The following ROBO1 variants were observed in gnomAD, a reference collection of about 807,000 sequenced individuals.
ROBO1 encodes roundabout homolog 1.
A neutral mutation model predicts 195.9 loss-of-function variants in ROBO1; 149 were observed. The ratio of observed to expected loss-of-function variants is 0.76; its 90% CI spans 0.67 to 0.87. The LOEUF (loss-of-function observed/expected upper bound fraction) is 0.87. ROBO1 is among the 40% of genes least tolerant of loss of function. ROBO1 has a pLI of 0.00. For synonymous variants in ROBO1, 816 were observed against 733.2 expected, an observed-to-expected ratio of 1.11 and a Z score of -1.82; for missense variants, 1,933 against 2,068.3, an observed-to-expected ratio of 0.93 and a Z score of 1.27.
chr3:78,698,400 T>C (rs1003695228), intron 8 of ROBO1, among the ~76,000 whole-genome samples: 1 of 152,228 alleles, frequency 6.6e-6, no homozygotes, highest in Non-Finnish European at 1.5e-5. Flanking sequence ...CCTGTCATTA[T>C]GTCTTTCAAC....
At chr3:78,636,255 T>C (rs959065108) in intron 22 of ROBO1, 147 bp from the exon 23 acceptor site, 8 of 552,838 alleles carry the variant, frequency 1.4e-5, no homozygotes, top group African/African-American at 1.3e-4. Context: ...CGGCCAAATA[T>C]CCACATGTGC....
intron 3 of ROBO1, among the ~76,000 whole-genome samples, chr3:79,032,321 T>C (rs555378156): frequency 6.6e-6 from 1 of 152,178 alleles, no homozygotes; most frequent in Non-Finnish European, 1.5e-5. Context: ...AGATTTTTCT[T>C]CCATTGCACA....
chr3:79,046,118 G>C (rs2078587025), intron 3 of ROBO1, among the ~76,000 whole-genome samples: 1 of 152,094 alleles, frequency 6.6e-6, no homozygotes, highest in Admixed American at 6.6e-5. Flanking sequence ...TTTGAGATTA[G>C]GTTTCAAAAA....
chr3:79,455,755 T>C (rs1319789906), intron 2 of ROBO1, among the ~76,000 whole-genome samples: 1 of 152,150 alleles, frequency 6.6e-6, no homozygotes, highest in Non-Finnish European at 1.5e-5. Context: ...ACTGCACTTT[T>C]CTGCCATGAA....
chr3:79,338,576 G>A (rs1046647842), intron 2 of ROBO1, among the ~76,000 whole-genome samples: 3 of 152,108 alleles, frequency 2.0e-5, no homozygotes, highest in African/African-American at 7.2e-5. Context: ...AGCATTAAGG[G>A]AGGTTTCACC....
intron 1 of ROBO1, among the ~76,000 whole-genome samples, chr3:79,729,975 T>C (rs960677905): frequency 6.6e-6 from 1 of 152,226 alleles, no homozygotes; most frequent in Non-Finnish European, 1.5e-5. Context: ...CATTGTCCTT[T>C]ACATAATGTT....
chr3:79,740,583 G>C (rs906101731), intron 1 of ROBO1, among the ~76,000 whole-genome samples: 1 of 151,960 alleles, frequency 6.6e-6, no homozygotes, highest in East Asian at 1.9e-4. Context: ...GCCGAGTGCC[G>C]AGCAAAGCAA....
intron 3 of ROBO1, among the ~76,000 whole-genome samples, chr3:79,086,393 A>G (rs113675838): frequency 5.3e-5 from 8 of 152,282 alleles, no homozygotes; most frequent in African/African-American, 1.9e-4. Flanking sequence ...AATGTACACG[A>G]GTGTACAATT....
intron 1 of ROBO1, among the ~76,000 whole-genome samples, chr3:79,688,254 G>C (rs1039111275): frequency 1.3e-5 from 2 of 150,582 alleles, no homozygotes; most frequent in African/African-American, 4.9e-5. Context: ...AGCATTAGGA[G>C]ATATACCTAA....
chr3:78,907,800 G>C (rs1456919410), intron 4 of ROBO1, among the ~76,000 whole-genome samples: 1 of 151,582 alleles, frequency 6.6e-6, no homozygotes, highest in Non-Finnish European at 1.5e-5. Context: ...GAATTATATG[G>C]GAAAACAGAA....
chr3:78,688,369 AGT>A (rs2081095865), intron 9 of ROBO1, among the ~76,000 whole-genome samples: 1 of 152,232 alleles, frequency 6.6e-6, no homozygotes, highest in Non-Finnish European at 1.5e-5. Context: ...TTGAGAAAAT[AGT>A]GTTTTTCTTT....
At chr3:79,221,928 CAG>C (rs2082146221) in intron 2 of ROBO1, among the ~76,000 whole-genome samples, 3 of 152,038 alleles carry the variant, frequency 2.0e-5, no homozygotes, top group Admixed American at 1.3e-4. Flanking sequence ...TTCAAATATA[CAG>C]AGTTTTACAT....
chr3:79,109,100 T>C (rs1390805843), intron 3 of ROBO1, among the ~76,000 whole-genome samples: 1 of 151,886 alleles, frequency 6.6e-6, no homozygotes, highest in East Asian at 1.9e-4. Context: ...TCTGAATGGA[T>C]GTTTAAAATC....
At chr3:79,231,922 G>C (rs1029722291) in intron 2 of ROBO1, among the ~76,000 whole-genome samples, 1 of 152,108 alleles carries the variant, frequency 6.6e-6, no homozygotes, top group Non-Finnish European at 1.5e-5. Context: ...CAGGGACATG[G>C]ATGGAACTGG....
At chr3:79,311,855 AC>A (rs2033502372) in intron 2 of ROBO1, among the ~76,000 whole-genome samples, 1 of 152,164 alleles carries the variant, frequency 6.6e-6, no homozygotes, top group Non-Finnish European at 1.5e-5. Flanking sequence ...ATTTATACAC[AC>A]TATCTCAAGA....
At position 79,303,159 on chromosome 3, in the gene ROBO1, G is replaced by GTTTTTTTTTTTTTTTTTTTTTTTTTTTTT. The variant is rs368110549; in HGVS notation, c.89-177621_89-177620insAAAAAAAAAAAAAAAAAAAAAAAAAAAAA. 4.2e-5 allele frequency among the ~76,000 whole-genome samples: 3 copies of GTTTTTTTTTTTTTTTTTTTTTTTTTTTTT among 72,090 alleles called. 1 individual carries two copies. The highest frequency in any genetic ancestry group is 7.3e-5 in the Non-Finnish European group (3 of 41,250). The allele number at this position is 72,090 out of a possible 152,430, so 47.3% of individuals were successfully genotyped here. On this transcript the variant is annotated intron_variant, in intron 2 of 30. Transcript: ENST00000464233. ...ATTAATATATGAATTATCTCACATAGGTTTTTTTTTTTTTTTTTTTTTTTG... is the reference window on the plus strand; with the variant it reads ...ATTAATATATGAATTATCTCACATAGTTTTTTTTTTTTTTTTTTTTTTTTTTTTTGTTTTTTTTTTTTTTTTTTTTTTTG...
intron 2 of ROBO1, among the ~76,000 whole-genome samples, chr3:79,332,886 T>G (rs2109181601): frequency 6.6e-6 from 1 of 152,098 alleles, no homozygotes. Context: ...GTGAAAGAAG[T>G]CAGAAAATAA....
chr3:79,625,423 G>GGAAAAA (rs1348121330), intron 1 of ROBO1, among the ~76,000 whole-genome samples: 1 of 13,876 alleles, frequency 7.2e-5, no homozygotes, highest in Non-Finnish European at 1.3e-4. Flanking sequence ...TGTTTTTTTT[G>GGAAAAA]AAAAAAAAAA....
chr3:79,202,959 T>C (rs938403916), intron 2 of ROBO1, among the ~76,000 whole-genome samples: 2 of 152,112 alleles, frequency 1.3e-5, no homozygotes, highest in African/African-American at 2.4e-5. Flanking sequence ...TACCCTCTCA[T>C]CCAGCTGCCT....
Sources: gnomAD v4.1 joint callset for allele counts (sites outside exome capture counted in the v4.1 genomes callset) on GRCh38, gnomAD v4.1.1 for gene constraint, MANE v1.5 for transcripts, NCBI Gene and HGNC (gene_info 2026-07-23, HGNC 2026-07-21) for gene names.